Variants in FRMD4A observed in about 807,000 individuals in gnomAD.
FRMD4A encodes FERM domain containing 4A.
Under a neutral mutation model 129.1 loss-of-function variants are expected in FRMD4A, and 29 were observed. The ratio of observed to expected loss-of-function variants is 0.22; its 90% CI spans 0.17 to 0.31. FRMD4A has a LOEUF of 0.31. Among genes scored for constraint, FRMD4A ranks in the 10% least tolerant of loss-of-function variants. FRMD4A has a pLI of 1.00. For missense variants in FRMD4A, 1,272 were observed against 1,375.8 expected (o/e 0.92, Z 1.19); for synonymous variants, 634 against 571.6 (o/e 1.11, Z -1.56).
chr10:13,758,215 T>C (rs2091937702), intron 8 of FRMD4A, among the ~76,000 whole-genome samples: 1 of 152,266 alleles, frequency 6.6e-6, no homozygotes, highest in Admixed American at 6.5e-5. Context: ...TTGGGAAGTT[T>C]TAGATTCAGG....
rs1360755987 is a variant in FRMD4A, at chr10:13,666,230, T to C, written c.1470A>G (p.Lys490=). Residue 490 remains lysine (K), a synonymous_variant, in exon 18 of 25, where the codon AAA becomes AAG. Coordinates refer to ENST00000357447, the MANE Select transcript of FRMD4A (RefSeq NM_018027.5). Reference sequence around the variant, plus strand: ...AGGTTTTCCTTTGTTTCTTCAGTTTTTTGCTGACGTTGGGGTCACTGGCTA... The same window carrying C: ...AGGTTTTCCTTTGTTTCTTCAGTTTCTTGCTGACGTTGGGGTCACTGGCTA... ...RRLASDPNVS[K]KLKKQRKTSY... The C allele has an allele frequency of 1.2e-6, 2 of 1,614,090 alleles. No individual in the cohort carries two copies. Among genetic ancestry groups the C allele is most frequent in the Middle Eastern group, 1.7e-4 (1 of 6,060 alleles).
At chr10:14,246,820 A>T (rs189613898) in intron 2 of FRMD4A, among the ~76,000 whole-genome samples, 3 of 152,274 alleles carry the variant, frequency 2.0e-5, no homozygotes, top group Admixed American at 2.0e-4. Flanking sequence ...GTGAGAGACT[A>T]AACACAGGAG....
At chr10:13,749,727 G>A (rs2091475389) in intron 8 of FRMD4A, among the ~76,000 whole-genome samples, 1 of 152,092 alleles carries the variant, frequency 6.6e-6, no homozygotes, top group Non-Finnish European at 1.5e-5. Context: ...GGTGGCTCAT[G>A]CCTATAATCC....
In FRMD4A at chr10:14,031,913, T is replaced by A. The variant is rs1962964; in HGVS notation, c.46-173001A>T. Among the ~76,000 whole-genome samples, 971 of 152,264 alleles carry A rather than the reference T, an allele frequency of 6.4e-3. 15 individuals are homozygous for A. The highest frequency in any genetic ancestry group is 0.023 in the African/African-American group (936 of 41,530). ...TCCCCCATTGCCTTTCCCATGGGCC[T>A]TAGAATGATCAATGATGTTTAATCC... On this transcript the variant is annotated intron_variant, in intron 2 of 24. Coordinates refer to ENST00000357447, the MANE Select transcript of FRMD4A (RefSeq NM_018027.5).
At chr10:13,884,140 ACACTCTCACACACT>A (rs1564970475) in intron 2 of FRMD4A, among the ~76,000 whole-genome samples, 5 of 68,874 alleles carry the variant, frequency 7.3e-5, no homozygotes, top group Admixed American at 1.5e-4. Flanking sequence ...ACGCTCACAC[ACACTCTCACACACT>A]CTCACACACA....
intron 15 of FRMD4A, among the ~76,000 whole-genome samples, chr10:13,687,115 AC>A (rs2085158628): frequency 6.6e-6 from 1 of 152,022 alleles, no homozygotes; most frequent in Non-Finnish European, 1.5e-5. Flanking sequence ...ACATCATGAA[AC>A]CCCATCTCTA....
At chr10:14,095,014 C>G (rs1441805739) in intron 2 of FRMD4A, among the ~76,000 whole-genome samples, 1 of 151,866 alleles carries the variant, frequency 6.6e-6, no homozygotes, top group African/African-American at 2.4e-5. Context: ...GGATGTATAT[C>G]TGTGTGTGTG....
intron 2 of FRMD4A, among the ~76,000 whole-genome samples, chr10:13,936,082 T>G (rs919209024): frequency 5.3e-5 from 8 of 152,234 alleles, no homozygotes; most frequent in African/African-American, 1.9e-4. Flanking sequence ...GAACAAGATG[T>G]AAGATCTTAT....
At chr10:14,202,456 C>T (rs1464646693) in intron 2 of FRMD4A, among the ~76,000 whole-genome samples, 1 of 152,144 alleles carries the variant, frequency 6.6e-6, no homozygotes, top group African/African-American at 2.4e-5. Flanking sequence ...GGCTGGGGTG[C>T]AGTGGCGCTA....
chr10:14,115,612 G>A (rs1459439537), intron 2 of FRMD4A, among the ~76,000 whole-genome samples: 1 of 152,202 alleles, frequency 6.6e-6, no homozygotes, highest in South Asian at 2.1e-4. Context: ...TCCTTCATGA[G>A]TGGTTTGGTG....
intron 2 of FRMD4A, among the ~76,000 whole-genome samples, chr10:14,260,001 CATAGAT>C (rs944058214): frequency 1.4e-5 from 2 of 145,474 alleles, no homozygotes; most frequent in African/African-American, 5.1e-5. Flanking sequence ...ATCTCTGTGT[CATAGAT>C]ATAGTCTAGA....
At chr10:14,013,362 G>T (rs949121194) in intron 2 of FRMD4A, among the ~76,000 whole-genome samples, 1 of 152,106 alleles carries the variant, frequency 6.6e-6, no homozygotes, top group South Asian at 2.1e-4. Context: ...AAGGAGTTAG[G>T]CCTCTAAGCA....
chr10:13,684,915 C>T, intron 15 of FRMD4A: 1 of 983,460 alleles, frequency 1.0e-6, no homozygotes, highest in Non-Finnish European at 1.2e-6. Context: ...CCCAGCAGAT[C>T]AGTAAAAGCT....
intron 12 of FRMD4A, among the ~76,000 whole-genome samples, chr10:13,719,792 CAAAGA>C (rs2089245869): frequency 6.6e-6 from 1 of 152,126 alleles, no homozygotes; most frequent in Non-Finnish European, 1.5e-5. Flanking sequence ...TAGAAGAAAG[CAAAGA>C]AGTCTAGATT....
At chr10:13,841,526 A>T (rs920813124) in intron 3 of FRMD4A, among the ~76,000 whole-genome samples, 18 of 152,218 alleles carry the variant, frequency 1.2e-4, no homozygotes, top group African/African-American at 3.9e-4. Context: ...ATGGCCAAGG[A>T]TTCAGTCAAT....
At chr10:14,181,471 C>T (rs748764754) in intron 2 of FRMD4A, among the ~76,000 whole-genome samples, 4 of 152,096 alleles carry the variant, frequency 2.6e-5, no homozygotes, top group Non-Finnish European at 5.9e-5. Flanking sequence ...TTCTTCCCGT[C>T]GTCACAGAGG....
chr10:14,180,975 T>C (rs929454350), intron 2 of FRMD4A, among the ~76,000 whole-genome samples: 1 of 152,252 alleles, frequency 6.6e-6, no homozygotes, highest in African/African-American at 2.4e-5. Flanking sequence ...TTCTATGCCT[T>C]GATCAGTCAT....
intron 2 of FRMD4A, among the ~76,000 whole-genome samples, chr10:14,000,668 A>AAAAAAG (rs1555009702): frequency 1.3e-5 from 1 of 74,518 alleles, no homozygotes; most frequent in African/African-American, 3.1e-5. Context: ...AAAAAAAAAA[A>AAAAAAG]GAGAAGAAAG....
chr10:13,940,044 G>A (rs946190703), intron 2 of FRMD4A, among the ~76,000 whole-genome samples: 2 of 152,088 alleles, frequency 1.3e-5, no homozygotes, highest in East Asian at 1.9e-4. Context: ...TCCACCATGA[G>A]CCATTTGGCT....
Sources: allele counts gnomAD v4.1 joint callset (sites outside exome capture counted in the v4.1 genomes callset), GRCh38; gene constraint gnomAD v4.1.1; transcripts MANE v1.5; gene names NCBI Gene and HGNC (gene_info 2026-07-23, HGNC 2026-07-21).